The following COL4A1 variants were observed in gnomAD, a reference collection of about 807,000 sequenced individuals.
The protein encoded by COL4A1 is collagen type IV alpha 1 chain.
Under a neutral mutation model 216.6 loss-of-function variants are expected in COL4A1, and 40 were observed. That is an observed-to-expected ratio of 0.18 (90% CI 0.14 to 0.24). COL4A1 has a LOEUF of 0.24. Ranked by LOEUF, COL4A1 falls within the 10% of genes least tolerant of loss-of-function variation. The probability of loss-of-function intolerance (pLI) is 1.00; values close to 1 mark genes in which losing one functional copy is unlikely to be tolerated. For synonymous variants in COL4A1, 839 were observed against 810.7 expected (o/e 1.03, Z -0.59); for missense variants, 1,628 against 2,196.8 (o/e 0.74, Z 5.18).
At chr13:110,270,620 G>C (rs188598901) in intron 1 of COL4A1, among the ~76,000 whole-genome samples, 1 of 152,102 alleles carries the variant, frequency 6.6e-6, no homozygotes, top group East Asian at 1.9e-4. Flanking sequence ...AGATGGGAAC[G>C]AGGTCTCTGA....
At position 110,174,308 on chromosome 13, in the gene COL4A1, A is replaced by G. The variant is rs1877776880; in HGVS notation, c.3406+138T>C. 4.4e-6 allele frequency: 4 copies of G among 902,076 alleles called. No homozygotes were observed. The East Asian group carries it at 1.0e-4, about 24-fold the overall frequency. The allele number at this position is 902,076 out of a possible 1,614,324, so 55.9% of individuals were successfully genotyped here. Reference sequence around the variant, plus strand: ...AGATCCTGTAACCTGCACTAGACTCAGTTTGCCCATCTGAAGATGGGAGAC... The same window carrying G: ...AGATCCTGTAACCTGCACTAGACTCGGTTTGCCCATCTGAAGATGGGAGAC... On this transcript the variant is annotated intron_variant, in intron 39 of 51. Transcript: ENST00000375820.
chr13:110,260,816 G>T (rs7320799), intron 1 of COL4A1, among the ~76,000 whole-genome samples: 1 of 151,768 alleles, frequency 6.6e-6, no homozygotes, highest in Admixed American at 6.6e-5. Flanking sequence ...TTGGGAGGCC[G>T]AGGCAGGCAG....
In COL4A1 at chr13:110,176,990, A is replaced by G. The variant is rs751602083; in HGVS notation, c.2764T>C (p.Leu922=). 6.2e-7 allele frequency: 1 copy of G among 1,613,888 alleles called. No individual in the cohort carries two copies. The highest frequency in any genetic ancestry group is 8.5e-7 in the Non-Finnish European group (1 of 1,180,022). The change falls in exon 34 of 52, where the codon TTG becomes CTG. Residue 922 remains leucine, a synonymous_variant. Transcript: ENST00000375820. ...GSSGPRGDPG[L]KGDKGDVGLP... ...CCGACATCCCCCTTATCACCTTTCA[A>G]GCCAGGGTCTCCCCTGGGTCCTGAG...
At chr13:110,221,623 C>A (rs1190772269) in intron 2 of COL4A1, among the ~76,000 whole-genome samples, 1 of 152,172 alleles carries the variant, frequency 6.6e-6, no homozygotes, top group African/African-American at 2.4e-5. Context: ...AGTGGAGACT[C>A]ACTCATGGAA....
intron 11 of COL4A1, 28 bp from the exon 12 acceptor site, chr13:110,208,918 A>G: frequency 6.2e-7 from 1 of 1,611,432 alleles, no homozygotes; most frequent in Non-Finnish European, 8.5e-7. Context: ...GGCTCTCATT[A>G]TTAGATTTGT....
In COL4A1 at chr13:110,187,149, T is replaced by C. The variant is rs1006335866; in HGVS notation, c.1717A>G (p.Lys573Glu). The change falls in exon 25 of 52, where the codon AAG (lysine) becomes GAG (glutamate). Residue 573 changes from lysine (K) to glutamate (E), a missense_variant. By Grantham distance (56) the Lys-to-Glu change is moderately conservative. Transcript: ENST00000375820. Reference protein sequence around the residue: ...RDGHPGLPGPKGSPGSVGLKG... With the variant: ...RDGHPGLPGPEGSPGSVGLKG... ...GGAGATAAACATACCGGCGAGCCCT[T>C]GGGGCCAGGAAGACCCGGATGGCCA... 3 of 1,614,016 alleles carry C rather than the reference T, an allele frequency of 1.9e-6. No individual in the cohort carries two copies. The highest frequency in any genetic ancestry group is 2.5e-6 in the Non-Finnish European group (3 of 1,179,898).
chr13:110,236,553 A>C (rs1881325637), intron 2 of COL4A1, among the ~76,000 whole-genome samples: 2 of 152,342 alleles, frequency 1.3e-5, no homozygotes, highest in Non-Finnish European at 2.9e-5. Flanking sequence ...GAGGAGGCAG[A>C]GGCACAAGTC....
At chr13:110,262,311 G>A (rs905975402) in intron 1 of COL4A1, among the ~76,000 whole-genome samples, 4 of 152,114 alleles carry the variant, frequency 2.6e-5, no homozygotes, top group East Asian at 1.9e-4. Flanking sequence ...AGGACCCAGC[G>A]CCCTCACCCT....
At chr13:110,163,654 G>A (rs924100512) in intron 46 of COL4A1, 93 bp from the exon 47 acceptor site, 1 of 1,238,000 alleles carries the variant, frequency 8.1e-7, no homozygotes. Flanking sequence ...TGTTCAAGGA[G>A]CCAAGCATAA....
intron 11 of COL4A1, among the ~76,000 whole-genome samples, 170 bp downstream of exon 11, chr13:110,209,222 A>T (rs1265020098): frequency 6.6e-6 from 1 of 152,264 alleles, no homozygotes; most frequent in Non-Finnish European, 1.5e-5. Flanking sequence ...ATTGATAGAT[A>T]ATCAATAGAT....
At chr13:110,173,751 C>A in intron 40 of COL4A1, 149 bp downstream of exon 40, 1 of 882,302 alleles carries the variant, frequency 1.1e-6, no homozygotes, top group Non-Finnish European at 1.8e-6. Flanking sequence ...CTCTACTCCA[C>A]ACATCCACAT....
chr13:110,209,225 C>T (rs968958459), intron 11 of COL4A1, among the ~76,000 whole-genome samples, 167 bp downstream of exon 11: 2 of 151,886 alleles, frequency 1.3e-5, no homozygotes, highest in African/African-American at 4.8e-5. Flanking sequence ...GATAGATAAT[C>T]AATAGATAAT....
chr13:110,156,603 T>A (rs1876798822), intron 49 of COL4A1, among the ~76,000 whole-genome samples: 1 of 152,122 alleles, frequency 6.6e-6, no homozygotes, highest in South Asian at 2.1e-4. Context: ...CAGAAACACA[T>A]TAAAACAGCA....
rs544461462 is a variant in COL4A1, at chr13:110,258,336, G to A, written c.85-15602C>T. Reference sequence around the variant, plus strand: ...GCAGATCGCATGAGCTCAGGAGTTCGAGACCAGCCTGGCCAATATGGTAAA... The same window carrying A: ...GCAGATCGCATGAGCTCAGGAGTTCAAGACCAGCCTGGCCAATATGGTAAA... On this transcript the variant is annotated intron_variant, in intron 1 of 51. Transcript: ENST00000375820. 3.9e-5 allele frequency among the ~76,000 whole-genome samples: 6 copies of A among 152,272 alleles called. No individual in the cohort carries two copies. The South Asian group carries it at 6.2e-4, about 16-fold the overall frequency.
chr13:110,283,680 C>G (rs1226493773), intron 1 of COL4A1, among the ~76,000 whole-genome samples: 2 of 152,204 alleles, frequency 1.3e-5, no homozygotes, highest in African/African-American at 4.8e-5. Flanking sequence ...TGCACACACC[C>G]ACACATGCAC....
At chr13:110,205,282 G>A in intron 17 of COL4A1, 71 bp downstream of exon 17, 2 of 1,562,776 alleles carry the variant, frequency 1.3e-6, no homozygotes, top group Admixed American at 1.7e-5. Context: ...TTTATTCTAG[G>A]AAAGAATAAA....
chr13:110,286,191 C>T (rs1483517600), intron 1 of COL4A1, among the ~76,000 whole-genome samples: 2 of 152,212 alleles, frequency 1.3e-5, no homozygotes, highest in Non-Finnish European at 2.9e-5. Flanking sequence ...GGCTCAAAGG[C>T]TGCAGCTGCA....
chr13:110,225,359 G>T (rs140709066), intron 2 of COL4A1, among the ~76,000 whole-genome samples: 1 of 152,234 alleles, frequency 6.6e-6, no homozygotes, highest in Non-Finnish European at 1.5e-5. Context: ...CAAGGCGGGT[G>T]GATCACCTGA....
At chr13:110,175,677 T>C (rs1435822350) in intron 36 of COL4A1, among the ~76,000 whole-genome samples, 1 of 152,208 alleles carries the variant, frequency 6.6e-6, no homozygotes, top group African/African-American at 2.4e-5. Flanking sequence ...AAATGGATCT[T>C]ATGTTCTTTA....
Sources: gnomAD v4.1 joint callset for allele counts (sites outside exome capture counted in the v4.1 genomes callset) on GRCh38, gnomAD v4.1.1 for gene constraint, MANE v1.5 for transcripts, NCBI Gene and HGNC (gene_info 2026-07-23, HGNC 2026-07-21) for gene names.